Variants in DNAI2 observed in about 807,000 individuals in gnomAD.
DNAI2 encodes the protein dynein axonemal intermediate chain 2, also known as dynein, axonemal, intermediate polypeptide 2.
A neutral mutation model predicts 74.7 loss-of-function variants in DNAI2; 63 were observed. The observed-to-expected ratio is 0.84, with a 90% CI of 0.69 to 1.04. The LOEUF is 1.04. Ranked by LOEUF, DNAI2 falls within the 50% of genes least tolerant of loss-of-function variation. The pLI, the probability that DNAI2 is intolerant of heterozygous loss-of-function variation, is 0.00. For missense variants in DNAI2, 688 were observed against 803.2 expected (o/e 0.86, Z 1.73); for synonymous variants, 289 against 314.9 (o/e 0.92, Z 0.87).
chr17:74,287,326 C>T (rs2051813901), intron 4 of DNAI2, among the ~76,000 whole-genome samples: 1 of 152,214 alleles, frequency 6.6e-6, no homozygotes, highest in African/African-American at 2.4e-5. Context: ...AGTGAAATTG[C>T]CCAGCTGCGT....
At chr17:74,308,397 C>T (rs1025852021) in intron 9 of DNAI2, among the ~76,000 whole-genome samples, 8 of 152,198 alleles carry the variant, frequency 5.3e-5, no homozygotes, top group Non-Finnish European at 8.8e-5. Context: ...TGGGCATGTC[C>T]TTCCTCTGAC....
intron 6 of DNAI2, among the ~76,000 whole-genome samples, chr17:74,295,233 TA>T (rs57143936): frequency 1.2e-4 from 13 of 112,356 alleles, no homozygotes; most frequent in South Asian, 3.3e-4. Flanking sequence ...CATCTCTACT[TA>T]AAAAAAAAAA....
chr17:74,310,380 C>T (rs955892854), intron 11 of DNAI2, among the ~76,000 whole-genome samples: 8 of 151,584 alleles, frequency 5.3e-5, no homozygotes, highest in Admixed American at 2.6e-4. Flanking sequence ...CAGTAAGTCA[C>T]GTCACTCTCC....
rs1416092456 is a variant in DNAI2, at chr17:74,314,213, C to G, written c.1815C>G (p.Ala605=). Residue 605 remains alanine (A), a synonymous_variant, in exon 13 of 14, where the codon GCC becomes GCG. Coordinates refer to ENST00000311014, the MANE Select transcript of DNAI2 (RefSeq NM_023036.6). ...ATGAAGAAGTGGAAGAAGACTTAGC[C>G]TAGAAGTCAGCCTTCGACTGCGGCG... is the stretch of plus-strand genomic sequence containing the variant. The part of the protein sequence containing the change: ...EGDEEVEEDL[A] 1 of 1,614,138 alleles carries G rather than the reference C, an allele frequency of 6.2e-7. No homozygotes were observed. The highest frequency in any genetic ancestry group is 1.7e-5 in the Admixed American group (1 of 60,020).
chr17:74,308,049 C>T (rs1340528761), intron 9 of DNAI2, among the ~76,000 whole-genome samples: 6 of 152,136 alleles, frequency 3.9e-5, no homozygotes, highest in African/African-American at 9.7e-5. Flanking sequence ...CCACCATTCT[C>T]GGCCTCCCAA....
In DNAI2 at chr17:74,292,301, CTTT is replaced by C. The variant is rs1301565065; in HGVS notation, c.724+1169_724+1171del. On this transcript the variant is annotated intron_variant, in intron 6 of 13. Coordinates refer to ENST00000311014, the MANE Select transcript of DNAI2 (RefSeq NM_023036.6). ...ATCCTCTTCACATTTTCTGTTTCTT[CTTT>C]AATTGCTTTTGGTAGTTTCTGTCTT... Among the ~76,000 whole-genome samples the C allele has an allele frequency of 2.0e-5, 3 of 152,164 alleles. No individual in the cohort carries two copies. The East Asian group carries it at 5.8e-4, about 29-fold the overall frequency.
chr17:74,292,424 T>C (rs1435597176), intron 6 of DNAI2, among the ~76,000 whole-genome samples: 2 of 149,194 alleles, frequency 1.3e-5, no homozygotes, highest in Non-Finnish European at 3.0e-5. Flanking sequence ...TCTTTTTTTT[T>C]TTTTTTTTTT....
intron 1 of DNAI2, among the ~76,000 whole-genome samples, chr17:74,274,636 A>G (rs1280721440): frequency 6.6e-6 from 1 of 152,086 alleles, no homozygotes; most frequent in Non-Finnish European, 1.5e-5. Context: ...CTTGTCCTGG[A>G]GTGGACTGGA....
At chr17:74,311,638 A>G (rs2053533319) in intron 11 of DNAI2, among the ~76,000 whole-genome samples, 1 of 152,162 alleles carries the variant, frequency 6.6e-6, no homozygotes, top group Non-Finnish European at 1.5e-5. Flanking sequence ...ACAAAAAAGG[A>G]AAACCCCTAG....
chr17:74,314,087 A>G (rs754259575), intron 12 of DNAI2, 34 bp from the exon 13 acceptor site: 80 of 1,612,754 alleles, frequency 5.0e-5, no homozygotes, highest in Non-Finnish European at 1.7e-6. Context: ...GTCCCCTACC[A>G]ACACCAACAC....
chr17:74,287,638 CG>C (rs1229332953), intron 4 of DNAI2, among the ~76,000 whole-genome samples: 1 of 152,192 alleles, frequency 6.6e-6, no homozygotes, highest in Non-Finnish European at 1.5e-5. Flanking sequence ...ACCCACACGA[CG>C]GAATGCCATG....
chr17:74,304,186 C>CTTTTTTTTTTTTTTT (rs56696514), intron 8 of DNAI2, among the ~76,000 whole-genome samples: 71 of 67,656 alleles, frequency 1.0e-3, no homozygotes, highest in Non-Finnish European at 1.3e-3. Flanking sequence ...TTTCTTTTTT[C>CTTTTTTTTTTTTTTT]TTTTTTTTTT....
intron 4 of DNAI2, among the ~76,000 whole-genome samples, chr17:74,289,186 G>T (rs1183750410): frequency 6.6e-6 from 1 of 152,182 alleles, no homozygotes; most frequent in Non-Finnish European, 1.5e-5. Flanking sequence ...AGCCCTGCTG[G>T]GCTCTAACCT....
At chr17:74,313,836 AGGG>A in intron 12 of DNAI2, 1 of 458,402 alleles carries the variant, frequency 2.2e-6, no homozygotes, top group East Asian at 4.3e-5. Context: ...TCTATGGGTG[AGGG>A]GGCCAAGGAG....
At chr17:74,305,988 T>A (rs1244660245) in intron 9 of DNAI2, among the ~76,000 whole-genome samples, 6 of 152,142 alleles carry the variant, frequency 3.9e-5, no homozygotes, top group African/African-American at 1.4e-4. Flanking sequence ...ATTTTCATAA[T>A]CCTCAAACTA....
intron 3 of DNAI2, among the ~76,000 whole-genome samples, chr17:74,286,551 G>A (rs1033870463): frequency 6.6e-6 from 1 of 151,886 alleles, no homozygotes; most frequent in African/African-American, 2.4e-5. Context: ...CTCCCAAGTA[G>A]CTGGGATTAC....
chr17:74,282,023 C>T (rs2051421483), intron 2 of DNAI2, 23 bp downstream of exon 2: 5 of 1,613,532 alleles, frequency 3.1e-6, no homozygotes, highest in Non-Finnish European at 4.2e-6. Context: ...CCCAAGGGCC[C>T]TGGCCTGTCA....
chr17:74,289,653 G>T lies in DNAI2; in HGVS notation c.527G>T (p.Arg176Met), dbSNP rs1421869138. 5 of 1,614,030 alleles carry T rather than the reference G, an allele frequency of 3.1e-6. No homozygotes were observed. The highest frequency in any genetic ancestry group is 4.2e-6 in the Non-Finnish European group (5 of 1,180,052). The change falls in exon 5 of 14, where the codon AGG (arginine) becomes ATG (methionine). Residue 176 changes from arginine to methionine, a missense_variant. Physicochemically the swap from Arg to Met is moderately conservative, Grantham distance 91 (BLOSUM62 -1). Transcript: ENST00000311014. The part of the protein sequence containing the change: ...THLSWHPDGN[R>M]KLAVAYSCLD... ...CTCTCCTGGCACCCCGATGGCAACA[G>T]GAAGTTGGCAGTGGCATACTCCTGC... is the stretch of plus-strand genomic sequence containing the variant.
chr17:74,286,480 G>T (rs1250018980), intron 3 of DNAI2, among the ~76,000 whole-genome samples: 1 of 152,016 alleles, frequency 6.6e-6, no homozygotes, highest in African/African-American at 2.4e-5. Context: ...GAGTGCAGTG[G>T]CGTGATCTTG....
Sources: allele counts gnomAD v4.1 joint callset (sites outside exome capture counted in the v4.1 genomes callset), GRCh38; gene constraint gnomAD v4.1.1; transcripts MANE v1.5; gene names NCBI Gene and HGNC (gene_info 2026-07-23, HGNC 2026-07-21).